Variants in IQCJ observed in about 807,000 individuals in gnomAD.
IQCJ encodes the protein IQ motif containing J, also known as IQ domain-containing protein J.
In IQCJ, 9 loss-of-function variants were observed where a neutral mutation model predicts 11.0. The observed-to-expected ratio is 0.82, with a 90% CI of 0.49 to 1.43. The LOEUF (loss-of-function observed/expected upper bound fraction) is 1.43, where lower values mean the gene tolerates loss of function less well. Ranked by LOEUF, IQCJ falls within the 40% of genes most tolerant of loss-of-function variation. IQCJ has a pLI of 0.00. For synonymous variants in IQCJ, 55 were observed against 51.3 expected, an observed-to-expected ratio of 1.07 and a Z score of -0.31; for missense variants, 146 against 133.2, an observed-to-expected ratio of 1.10 and a Z score of -0.47.
chr3:159,199,718 C>A (rs1162212361), intron 1 of IQCJ, among the ~76,000 whole-genome samples: 1 of 151,978 alleles, frequency 6.6e-6, no homozygotes, highest in Non-Finnish European at 1.5e-5. Flanking sequence ...GAGCTAAAAC[C>A]TTAAACCATT....
intron 1 of IQCJ, among the ~76,000 whole-genome samples, chr3:159,218,796 G>T (rs1329411831): frequency 6.6e-6 from 1 of 152,130 alleles, no homozygotes; most frequent in Non-Finnish European, 1.5e-5. Context: ...AACCAACACA[G>T]ATTTATGATC....
chr3:159,127,661 G>A (rs1228036499), intron 1 of IQCJ, among the ~76,000 whole-genome samples: 1 of 152,162 alleles, frequency 6.6e-6, no homozygotes, highest in African/African-American at 2.4e-5. Flanking sequence ...GCATTTAGTC[G>A]TGTTGACTGA....
intron 1 of IQCJ, among the ~76,000 whole-genome samples, chr3:159,074,533 T>A (rs1425144467): frequency 1.3e-5 from 2 of 152,072 alleles, no homozygotes; most frequent in East Asian, 3.9e-4. Flanking sequence ...TTTCCCCAAA[T>A]GAATATTACA....
At chr3:159,188,479 A>G (rs892303688) in intron 1 of IQCJ, among the ~76,000 whole-genome samples, 1 of 152,166 alleles carries the variant, frequency 6.6e-6, no homozygotes, top group Non-Finnish European at 1.5e-5. Context: ...ACAGCTTTAG[A>G]TTTACATAAA....
intron 1 of IQCJ, among the ~76,000 whole-genome samples, chr3:159,132,828 A>G (rs1264512976): frequency 6.6e-6 from 1 of 152,184 alleles, no homozygotes; most frequent in Admixed American, 6.6e-5. Flanking sequence ...TTTTGGAAAG[A>G]AAAGCAAAAA....
chr3:159,181,114 C>T (rs150109074), intron 1 of IQCJ, among the ~76,000 whole-genome samples: 1 of 151,882 alleles, frequency 6.6e-6, no homozygotes, highest in Non-Finnish European at 1.5e-5. Flanking sequence ...CCCCACTTCT[C>T]CATGGAACCT....
At position 159,258,392 on chromosome 3, in the gene IQCJ, G is replaced by A. The variant is rs139848649; in HGVS notation, c.156-4156G>A. On this transcript the variant is annotated intron_variant, in intron 3 of 3. Transcript: ENST00000397832. ...GGGGGAATGGACCACCCTCTACAGTGATAGGGTAGGATCTGTTTCATCCAA... is the reference window on the plus strand; with the variant it reads ...GGGGGAATGGACCACCCTCTACAGTAATAGGGTAGGATCTGTTTCATCCAA... 2.3e-3 allele frequency among the ~76,000 whole-genome samples: 347 copies of A among 152,298 alleles called. 3 individuals are homozygous for A. Among genetic ancestry groups the A allele is most frequent in the African/African-American group, 8.1e-3 (337 of 41,566 alleles).
chr3:159,111,214 G>A (rs1559989176), intron 1 of IQCJ, among the ~76,000 whole-genome samples: 1 of 152,056 alleles, frequency 6.6e-6, no homozygotes, highest in Non-Finnish European at 1.5e-5. Flanking sequence ...CTTTTACCAG[G>A]AAATGGATGA....
chr3:159,109,674 T>G (rs973844984), intron 1 of IQCJ, among the ~76,000 whole-genome samples: 1 of 152,092 alleles, frequency 6.6e-6, no homozygotes, highest in Non-Finnish European at 1.5e-5. Context: ...TGGGTGTGTG[T>G]GTGTGTGTCC....
intron 1 of IQCJ, among the ~76,000 whole-genome samples, chr3:159,122,475 CA>C (rs1719433855): frequency 6.6e-6 from 1 of 152,156 alleles, no homozygotes; most frequent in Non-Finnish European, 1.5e-5. Flanking sequence ...TTCCCTCGCA[CA>C]TTTTTTTTCT....
At chr3:159,255,927 A>G (rs1411692542) in intron 3 of IQCJ, among the ~76,000 whole-genome samples, 2 of 152,198 alleles carry the variant, frequency 1.3e-5, no homozygotes, top group African/African-American at 4.8e-5. Context: ...GCTAAAGATG[A>G]ATGTGTTCCT....
chr3:159,260,787 G>A (rs1728157681), intron 3 of IQCJ, among the ~76,000 whole-genome samples: 1 of 152,074 alleles, frequency 6.6e-6, no homozygotes, highest in Admixed American at 6.6e-5. Flanking sequence ...GAGGCTTGAA[G>A]TATGTATAAT....
At chr3:159,083,892 C>T (rs1716506229) in intron 1 of IQCJ, among the ~76,000 whole-genome samples, 1 of 151,956 alleles carries the variant, frequency 6.6e-6, no homozygotes, top group Admixed American at 6.6e-5. Context: ...TTCATTGTTG[C>T]CACAAGTTGG....
chr3:159,173,414 A>T (rs950421141), intron 1 of IQCJ, among the ~76,000 whole-genome samples: 5 of 152,202 alleles, frequency 3.3e-5, no homozygotes, highest in Admixed American at 1.3e-4. Context: ...TTTTTAGTAG[A>T]AACGTGTTGA....
chr3:159,140,333 T>C (rs1720530798), intron 1 of IQCJ, among the ~76,000 whole-genome samples: 1 of 152,190 alleles, frequency 6.6e-6, no homozygotes, highest in Non-Finnish European at 1.5e-5. Context: ...GACTCTTCCT[T>C]GTGACTTCAG....
chr3:159,140,729 C>G (rs1190850530), intron 1 of IQCJ, among the ~76,000 whole-genome samples: 2 of 152,172 alleles, frequency 1.3e-5, no homozygotes, highest in Admixed American at 1.3e-4. Flanking sequence ...TGCTCTGTCC[C>G]TCCATGTCTT....
At chr3:159,112,766 C>T (rs1311681194) in intron 1 of IQCJ, among the ~76,000 whole-genome samples, 1 of 152,142 alleles carries the variant, frequency 6.6e-6, no homozygotes, top group African/African-American at 2.4e-5. Context: ...TTTAATGAAT[C>T]AGTGAGCTTG....
At chr3:159,083,569 A>G (rs1230853730) in intron 1 of IQCJ, among the ~76,000 whole-genome samples, 1 of 152,168 alleles carries the variant, frequency 6.6e-6, no homozygotes, top group Non-Finnish European at 1.5e-5. Context: ...TACAGAACTA[A>G]AATGTGCTTA....
At chr3:159,144,357 G>A (rs190535924) in intron 1 of IQCJ, among the ~76,000 whole-genome samples, 156 of 152,306 alleles carry the variant, frequency 1.0e-3, no homozygotes, top group Non-Finnish European at 2.0e-3. Flanking sequence ...TGAAGGTTGT[G>A]TGTGTTCAAG....
Sources: allele counts gnomAD v4.1 joint callset (sites outside exome capture counted in the v4.1 genomes callset), GRCh38; gene constraint gnomAD v4.1.1; transcripts MANE v1.5; gene names NCBI Gene and HGNC (gene_info 2026-07-23, HGNC 2026-07-21).